The following SGCG variants were observed in gnomAD, a reference collection of about 807,000 sequenced individuals.
SGCG encodes sarcoglycan gamma.
In SGCG, 26 loss-of-function variants were observed where a neutral mutation model predicts 29.3. That is an observed-to-expected ratio of 0.89 (90% CI 0.65 to 1.23). SGCG has a LOEUF of 1.23. Among genes scored for constraint, SGCG ranks in the 50% most tolerant of loss-of-function variants. The pLI is 0.00. For missense variants in SGCG, 353 were observed against 356.0 expected, an observed-to-expected ratio of 0.99 and a Z score of 0.07; for synonymous variants, 145 against 129.7, an observed-to-expected ratio of 1.12 and a Z score of -0.80.
At chr13:23,239,159 G>A (rs1408204314) in intron 3 of SGCG, among the ~76,000 whole-genome samples, 1 of 151,878 alleles carries the variant, frequency 6.6e-6, no homozygotes, top group Non-Finnish European at 1.5e-5. Flanking sequence ...AAACTACAAG[G>A]TACATTGTAA....
chr13:23,257,381 G>A (rs1032507167), intron 4 of SGCG, among the ~76,000 whole-genome samples: 1 of 151,924 alleles, frequency 6.6e-6, no homozygotes, highest in African/African-American at 2.4e-5. Context: ...ATTTACATTA[G>A]GTATCTCCCC....
chr13:23,212,865 A>T (rs149143748), intron 2 of SGCG, among the ~76,000 whole-genome samples: 82 of 152,156 alleles, frequency 5.4e-4, no homozygotes, highest in Non-Finnish European at 1.0e-3. Context: ...TTTAAATTAC[A>T]CTCAGGGAAT....
intron 6 of SGCG, among the ~76,000 whole-genome samples, chr13:23,318,551 G>T (rs1381050844): frequency 1.3e-5 from 2 of 151,588 alleles, no homozygotes; most frequent in Non-Finnish European, 2.9e-5. Context: ...TTTCATTGAA[G>T]TCATAATATT....
intron 4 of SGCG, among the ~76,000 whole-genome samples, chr13:23,272,154 A>G (rs937648287): frequency 2.0e-5 from 3 of 152,218 alleles, no homozygotes; most frequent in Non-Finnish European, 4.4e-5. Flanking sequence ...TACTTTATAA[A>G]TAAGTTTCAT....
intron 2 of SGCG, among the ~76,000 whole-genome samples, chr13:23,214,851 C>T (rs1169940707): frequency 1.3e-5 from 2 of 152,122 alleles, no homozygotes; most frequent in Non-Finnish European, 2.9e-5. Flanking sequence ...TATATCAGTG[C>T]TTTCCAGTCC....
intron 5 of SGCG, among the ~76,000 whole-genome samples, chr13:23,294,764 A>G (rs1881839850): frequency 6.6e-6 from 1 of 152,152 alleles, no homozygotes; most frequent in Non-Finnish European, 1.5e-5. Flanking sequence ...TCTCTTCCTC[A>G]GCTTCCTCAT....
At chr13:23,280,501 C>G (rs763639647) in intron 5 of SGCG, among the ~76,000 whole-genome samples, 5 of 152,156 alleles carry the variant, frequency 3.3e-5, no homozygotes, top group African/African-American at 9.7e-5. Context: ...TACTCTAAGA[C>G]AGTAATGTAT....
intron 5 of SGCG, among the ~76,000 whole-genome samples, chr13:23,284,596 C>T (rs559814606): frequency 3.3e-5 from 5 of 152,318 alleles, no homozygotes; most frequent in African/African-American, 1.2e-4. Flanking sequence ...CCTTCTGAAG[C>T]CTACTTCTGT....
At chr13:23,174,303 AGATTGT>A in the SGCG span, among the ~76,000 whole-genome samples, 2 of 152,196 alleles carry the variant, frequency 1.3e-5, no homozygotes, top group South Asian at 4.1e-4. Flanking sequence ...CAGAAAAAGG[AGATTGT>A]GTACAATGGT....
intron 2 of SGCG, among the ~76,000 whole-genome samples, chr13:23,210,345 A>G (rs1536721): frequency 0.061 from 9,263 of 152,222 alleles, 391 homozygotes; most frequent in Middle Eastern, 0.15. Flanking sequence ...GTGAAAAAAG[A>G]TTGTGTTTAA....
At chr13:23,299,698 C>T (rs909149691) in intron 6 of SGCG, among the ~76,000 whole-genome samples, 10 of 151,542 alleles carry the variant, frequency 6.6e-5, no homozygotes, top group African/African-American at 2.2e-4. Flanking sequence ...GTGATCTGCC[C>T]GCCTCGGCCT....
At position 23,304,895 on chromosome 13, in the gene SGCG, C is replaced by T. The variant is rs575849239; in HGVS notation, c.578+9408C>T. Among the ~76,000 whole-genome samples the T allele has an allele frequency of 4.6e-5, 7 of 152,310 alleles. No individual in the cohort carries two copies. In the South Asian group the frequency reaches 1.0e-3, roughly 23 times the overall value. ...CCACTCGCCTTGGCCTGCCAAAGTG[C>T]TGGGATTACAGAGAAGATATTTTAA... On this transcript the variant is annotated intron_variant, in intron 6 of 7. Transcript: ENST00000218867.
chr13:23,323,108 T>C (rs1295492715), intron 7 of SGCG, among the ~76,000 whole-genome samples: 1 of 152,114 alleles, frequency 6.6e-6, no homozygotes. Flanking sequence ...CCAGAGTGTG[T>C]GGGCAGGACC....
the SGCG span, among the ~76,000 whole-genome samples, chr13:23,174,514 A>G: frequency 6.6e-6 from 1 of 152,226 alleles, no homozygotes; most frequent in Admixed American, 6.5e-5. Context: ...AATGGAATCG[A>G]TTCCATATAG....
intron 3 of SGCG, among the ~76,000 whole-genome samples, chr13:23,248,103 T>C (rs9552892): frequency 0.72 from 109,348 of 151,040 alleles, 39,833 homozygotes; most frequent in East Asian, 0.91. Context: ...AGTGAGACCC[T>C]GCCTCTAAAA....
At chr13:23,288,072 G>A (rs1208672284) in intron 5 of SGCG, among the ~76,000 whole-genome samples, 2 of 152,144 alleles carry the variant, frequency 1.3e-5, no homozygotes, top group East Asian at 3.8e-4. Flanking sequence ...GTTTTTATAA[G>A]CTTTAATGCT....
chr13:23,265,607 A>T (rs1007718491), intron 4 of SGCG, among the ~76,000 whole-genome samples: 1 of 152,142 alleles, frequency 6.6e-6, no homozygotes, highest in African/African-American at 2.4e-5. Flanking sequence ...ATAAGTAGGC[A>T]AAAGACATTA....
In SGCG at chr13:23,243,825, A is replaced by G. The variant is rs148083484; in HGVS notation, c.298-6805A>G. On this transcript the variant is annotated intron_variant, in intron 3 of 7. Transcript: ENST00000218867. ...GCCTACTTTATAAAATACAGGATAA[A>G]ATGAAAGGATCAATGCTCAATTTAA... 552 of 152,288 alleles carry G rather than the reference A, an allele frequency of 3.6e-3. 4 individuals carry two copies. Among genetic ancestry groups the G allele is most frequent in the African/African-American group, 0.013 (521 of 41,548 alleles). The allele number at this position is 152,288 out of a possible 1,614,324, so 9.4% of individuals were successfully genotyped here.
At chr13:23,303,192 T>C (rs1882235321) in intron 6 of SGCG, among the ~76,000 whole-genome samples, 1 of 151,604 alleles carries the variant, frequency 6.6e-6, no homozygotes, top group South Asian at 2.1e-4. Context: ...GAGCATGTCT[T>C]TCTTTATAAA....
Sources: gnomAD v4.1 joint callset for allele counts (sites outside exome capture counted in the v4.1 genomes callset) on GRCh38, gnomAD v4.1.1 for gene constraint, MANE v1.5 for transcripts, NCBI Gene and HGNC (gene_info 2026-07-23, HGNC 2026-07-21) for gene names.